The following ALPK1 variants were observed in gnomAD, a reference collection of about 807,000 sequenced individuals.
The protein encoded by ALPK1 is alpha-protein kinase 1.
ALPK1 carries 110 observed loss-of-function variants against 120.6 expected under a neutral mutation model. The observed-to-expected ratio is 0.91, with a 90% confidence interval of 0.78 to 1.07. The LOEUF (loss-of-function observed/expected upper bound fraction) is 1.07. Ranked by LOEUF, ALPK1 falls within the 50% of genes least tolerant of loss-of-function variation. The pLI, the probability that ALPK1 is intolerant of heterozygous loss-of-function variation, is 0.00. For missense variants in ALPK1, 1,498 were observed against 1,483.9 expected (o/e 1.01, Z -0.16); for synonymous variants, 582 against 560.3 (o/e 1.04, Z -0.55).
At position 112,299,723 on chromosome 4, in the gene ALPK1, T is replaced by G. The variant is rs369532238; in HGVS notation, c.-153+2254T>G. 2.6e-5 allele frequency among the ~76,000 whole-genome samples: 4 copies of G among 152,154 alleles called. No individual in the cohort carries two copies. In the East Asian group the frequency reaches 7.7e-4, roughly 29 times the overall value. On this transcript the variant is annotated intron_variant, in intron 1 of 15. Coordinates refer to ENST00000650871, the MANE Select transcript of ALPK1 (RefSeq NM_025144.4). ...TCCTAAGTATAGATGTACAAAGTAT[T>G]TGACAGAGAAATATTTTATCAAACG...
At chr4:112,425,452 A>C in intron 6 of ALPK1, 2 of 382,784 alleles carry the variant, frequency 5.2e-6, no homozygotes, top group East Asian at 5.0e-5. Flanking sequence ...TAGAGTGGAC[A>C]GAGAGTAAGT....
intron 2 of ALPK1, among the ~76,000 whole-genome samples, chr4:112,337,539 A>T (rs2106991): frequency 0.68 from 103,483 of 151,496 alleles, 35,694 homozygotes; most frequent in East Asian, 0.89. Flanking sequence ...TACAAAAAAA[A>T]TTTTAAAAAT....
In ALPK1 at chr4:112,431,195, G is replaced by A. The variant is rs555241344; in HGVS notation, c.1648G>A (p.Asp550Asn). ...TTCTGATGCATTTCGAGTCTCCTTG[G>A]ATCAAGATGTGGAGACTGAGACTGA... ...THSDAFRVSL[D>N]QDVETETEPS... The change falls in exon 11 of 16, where the codon GAT becomes AAT. Residue 550 changes from aspartate to asparagine, a missense_variant. Coordinates refer to ENST00000650871, the MANE Select transcript of ALPK1 (RefSeq NM_025144.4). 1.1e-4 allele frequency: 181 copies of A among 1,614,166 alleles called. No homozygotes were observed. In the South Asian group the frequency reaches 1.9e-3, roughly 17 times the overall value.
Position 112,432,313 on chromosome 4 carries a change from G to A in ALPK1, c.2766G>A (p.Gln922=), listed in dbSNP as rs766543953. 1.9e-6 allele frequency: 3 copies of A among 1,614,212 alleles called. No individual in the cohort carries two copies. Among genetic ancestry groups the A allele is most frequent in the Non-Finnish European group, 1.7e-6 (2 of 1,180,020 alleles). The change falls in exon 11 of 16, where the codon CAG becomes CAA. Residue 922 remains glutamine (Q), a synonymous_variant. Transcript: ENST00000650871. The part of the protein sequence containing the change: ...NQPGNMLNCS[Q]NSSSSSVWWL... ...CTGGAAACATGCTAAACTGCAGCCA[G>A]AACTCCAGCTCATCCTCAGTGTGGT...
At chr4:112,356,800 C>A (rs995063256) in intron 2 of ALPK1, 2 of 733,000 alleles carry the variant, frequency 2.7e-6, no homozygotes, top group East Asian at 5.7e-5. Context: ...TCGTCTTCAT[C>A]CCATACAGTT....
At chr4:112,418,208 G>A (rs1018759369) in intron 5 of ALPK1, among the ~76,000 whole-genome samples, 16 of 152,302 alleles carry the variant, frequency 1.1e-4, no homozygotes, top group South Asian at 4.1e-4. Context: ...GACATGGCTC[G>A]CCGCGTGGCA....
chr4:112,343,947 G>A (rs949033629), intron 2 of ALPK1, among the ~76,000 whole-genome samples: 1 of 152,166 alleles, frequency 6.6e-6, no homozygotes, highest in Non-Finnish European at 1.5e-5. Context: ...GGTCGCAGGC[G>A]AGATTTATGC....
intron 2 of ALPK1, among the ~76,000 whole-genome samples, chr4:112,339,833 G>A (rs1201112041): frequency 4.6e-5 from 7 of 152,178 alleles, no homozygotes; most frequent in Non-Finnish European, 8.8e-5. Context: ...GATTATCCAG[G>A]ATCAGATTCC....
At chr4:112,394,771 G>A (rs1732577738) in intron 4 of ALPK1, among the ~76,000 whole-genome samples, 3 of 152,122 alleles carry the variant, frequency 2.0e-5, no homozygotes, top group African/African-American at 7.2e-5. Flanking sequence ...CCATAATGAG[G>A]CCTGAAGACT....
chr4:112,414,450 C>T (rs1489082370), intron 5 of ALPK1: 7 of 367,006 alleles, frequency 1.9e-5, no homozygotes, highest in Non-Finnish European at 3.4e-5. Flanking sequence ...CTACTGAAAA[C>T]TACAAAAATT....
In ALPK1 at chr4:112,439,556, T is replaced by C. The variant is rs1182454998; in HGVS notation, c.3352-130T>C. ...AAAAGGTAGTTATAATTATACCTACTTTACCCATGATGAAATTGAAGCTCA... is the reference window on the plus strand; with the variant it reads ...AAAAGGTAGTTATAATTATACCTACCTTACCCATGATGAAATTGAAGCTCA... On this transcript the variant is annotated intron_variant, in intron 13 of 15. Transcript: ENST00000650871. The C allele has an allele frequency of 6.0e-6, 4 of 665,490 alleles. No individual in the cohort carries two copies. The East Asian group carries it at 8.7e-5, about 15-fold the overall frequency. The allele number at this position is 665,490 out of a possible 1,614,324, so 41.2% of individuals were successfully genotyped here. A position where few individuals can be genotyped will look rare whatever the true frequency, so the allele number is the denominator to read the frequency against.
chr4:112,324,223 A>T (rs1353289385), intron 2 of ALPK1, among the ~76,000 whole-genome samples: 1 of 151,532 alleles, frequency 6.6e-6, no homozygotes, highest in Non-Finnish European at 1.5e-5. Flanking sequence ...GCTACTGGGG[A>T]GGCTGAGGCA....
intron 4 of ALPK1, among the ~76,000 whole-genome samples, chr4:112,389,779 C>G (rs1732321791): frequency 6.6e-6 from 1 of 152,186 alleles, no homozygotes; most frequent in Admixed American, 6.5e-5. Flanking sequence ...CTCATGGTCC[C>G]TCTCTTCCCT....
chr4:112,323,614 G>GT (rs766920720), intron 2 of ALPK1, among the ~76,000 whole-genome samples: 8 of 152,252 alleles, frequency 5.3e-5, no homozygotes, highest in Non-Finnish European at 1.0e-4. Context: ...AAAAATAAAT[G>GT]TATGTCAAAT....
In ALPK1 at chr4:112,358,467, A is replaced by T. The variant is rs952816461; in HGVS notation, c.-100-19211A>T. On this transcript the variant is annotated intron_variant, in intron 2 of 15. Coordinates refer to ENST00000650871, the MANE Select transcript of ALPK1 (RefSeq NM_025144.4). ...TCCACCAGGAAAGCTAAGAGTCTCG[A>T]CCTGCACGTCCTTAGCCTGAAGCAG... 9.0e-6 allele frequency: 6 copies of T among 664,522 alleles called. No individual in the cohort carries two copies. The African/African-American group carries it at 1.1e-4, about 12-fold the overall frequency. The allele number at this position is 664,522 out of a possible 1,614,324, so 41.2% of individuals were successfully genotyped here.
intron 4 of ALPK1, among the ~76,000 whole-genome samples, chr4:112,396,684 ATG>A (rs1732664736): frequency 6.6e-6 from 1 of 152,144 alleles, no homozygotes; most frequent in South Asian, 2.1e-4. Flanking sequence ...TCAAAACAAT[ATG>A]TTATTATTTA....
intron 5 of ALPK1, among the ~76,000 whole-genome samples, chr4:112,421,105 T>C (rs1733973364): frequency 6.6e-6 from 1 of 152,154 alleles, no homozygotes; most frequent in African/African-American, 2.4e-5. Context: ...ATGCTGGGAT[T>C]ACAGGCATGA....
At chr4:112,402,490 T>C (rs1732963518) in intron 4 of ALPK1, among the ~76,000 whole-genome samples, 1 of 152,212 alleles carries the variant, frequency 6.6e-6, no homozygotes, top group African/African-American at 2.4e-5. Context: ...CGAAATCTCA[T>C]TGTGGAGTTT....
chr4:112,364,953 A>G (rs1731077477), intron 2 of ALPK1, among the ~76,000 whole-genome samples: 1 of 152,210 alleles, frequency 6.6e-6, no homozygotes, highest in Non-Finnish European at 1.5e-5. Flanking sequence ...TAAAAACAAA[A>G]ATCACATGAT....
Sources: allele counts gnomAD v4.1 joint callset (sites outside exome capture counted in the v4.1 genomes callset), GRCh38; gene constraint gnomAD v4.1.1; transcripts MANE v1.5; gene names NCBI Gene and HGNC (gene_info 2026-07-23, HGNC 2026-07-21).